The following SMAP1 variants were observed in gnomAD, a reference collection of about 807,000 sequenced individuals.
SMAP1 encodes stromal membrane-associated protein 1.
SMAP1 carries 24 observed loss-of-function variants against 58.5 expected under a neutral mutation model. The observed-to-expected ratio is 0.41, with a 90% CI of 0.30 to 0.58. The LOEUF (loss-of-function observed/expected upper bound fraction) is 0.58, where lower values mean the gene tolerates loss of function less well. Among genes scored for constraint, SMAP1 ranks in the 20% least tolerant of loss-of-function variants. The pLI, the probability that SMAP1 is intolerant of heterozygous loss-of-function variation, is 0.29. For synonymous variants in SMAP1, 216 were observed against 196.6 expected (o/e 1.10, Z -0.82); for missense variants, 563 against 566.3 (o/e 0.99, Z 0.06).
At chr6:70,678,779 A>T (rs1237998867) in intron 1 of SMAP1, among the ~76,000 whole-genome samples, 1 of 152,082 alleles carries the variant, frequency 6.6e-6, no homozygotes, top group Admixed American at 6.5e-5. Context: ...CATCTTTGAA[A>T]CTAGCAGTGT....
intron 1 of SMAP1, among the ~76,000 whole-genome samples, chr6:70,714,477 C>G (rs1768182547): frequency 6.6e-6 from 1 of 152,014 alleles, no homozygotes; most frequent in Non-Finnish European, 1.5e-5. Flanking sequence ...CAGGAGCACT[C>G]ATTTTTACCT....
At chr6:70,789,358 T>C (rs1768235734) in intron 4 of SMAP1, among the ~76,000 whole-genome samples, 1 of 152,078 alleles carries the variant, frequency 6.6e-6, no homozygotes, top group Non-Finnish European at 1.5e-5. Flanking sequence ...AACCATGGCC[T>C]TGGTGACTGA....
chr6:70,751,096 T>TG (rs1005638068), intron 2 of SMAP1, among the ~76,000 whole-genome samples: 3 of 152,000 alleles, frequency 2.0e-5, no homozygotes, highest in African/African-American at 7.3e-5. Flanking sequence ...AAAACTTAGC[T>TG]GGGCATGGTG....
At chr6:70,784,983 A>G (rs1171009323) in intron 4 of SMAP1, among the ~76,000 whole-genome samples, 1 of 152,202 alleles carries the variant, frequency 6.6e-6, no homozygotes, top group African/African-American at 2.4e-5. Context: ...TCTCCACCCC[A>G]GATCAACAGA....
At chr6:70,829,924 G>A (rs1013312094) in intron 6 of SMAP1, among the ~76,000 whole-genome samples, 1 of 152,200 alleles carries the variant, frequency 6.6e-6, no homozygotes, top group Non-Finnish European at 1.5e-5. Flanking sequence ...GGTGGTAAAT[G>A]TAGGAGTTGG....
chr6:70,732,306 T>C, intron 1 of SMAP1, 72 bp from the exon 2 acceptor site: 6 of 1,473,140 alleles, frequency 4.1e-6, no homozygotes, highest in Non-Finnish European at 4.6e-6. Flanking sequence ...CCGAGAATGC[T>C]TCTAATATGC....
rs1010071858 is a variant in SMAP1 at position 70,700,401 on chromosome 6, C to T, written c.119-31977C>T. Among the ~76,000 whole-genome samples, 11 of 152,170 alleles carry T rather than the reference C, an allele frequency of 7.2e-5. No individual in the cohort carries two copies. In the East Asian group the frequency reaches 9.6e-4, roughly 13 times the overall value. ...GCAACCTCCATTTCCCAGGTTCAAG[C>T]GATTCTTGTGCCTCAGCCTCCAGAG... is the stretch of plus-strand genomic sequence containing the variant. On this transcript the variant is annotated intron_variant, in intron 1 of 10. Coordinates refer to ENST00000370455, the MANE Select transcript of SMAP1 (RefSeq NM_001044305.3).
At chr6:70,719,099 A>G (rs1768403513) in intron 1 of SMAP1, among the ~76,000 whole-genome samples, 1 of 152,196 alleles carries the variant, frequency 6.6e-6, no homozygotes, top group Non-Finnish European at 1.5e-5. Flanking sequence ...CTTTAACAGT[A>G]GCAGGTGAAA....
At chr6:70,682,668 G>C (rs1205294852) in intron 1 of SMAP1, among the ~76,000 whole-genome samples, 3 of 152,092 alleles carry the variant, frequency 2.0e-5, no homozygotes, top group Non-Finnish European at 4.4e-5. Context: ...ATGTTAAAGA[G>C]TATACCAGAT....
At chr6:70,811,539 C>T (rs749060588) in intron 6 of SMAP1, among the ~76,000 whole-genome samples, 4 of 151,486 alleles carry the variant, frequency 2.6e-5, no homozygotes, top group African/African-American at 7.3e-5. Context: ...CTTCAGTACC[C>T]GTGGGAGATT....
intron 5 of SMAP1, among the ~76,000 whole-genome samples, chr6:70,792,674 TA>T (rs1162943723): frequency 6.6e-6 from 1 of 151,960 alleles, no homozygotes; most frequent in Non-Finnish European, 1.5e-5. Context: ...TGAAAAAACA[TA>T]TGGGCAAAGT....
chr6:70,689,080 TA>T (rs1044269055), intron 1 of SMAP1, among the ~76,000 whole-genome samples: 1 of 152,004 alleles, frequency 6.6e-6, no homozygotes, highest in African/African-American at 2.4e-5. Context: ...GCTCACTGCA[TA>T]CCCTACGTCC....
At chr6:70,720,871 A>G (rs1387823529) in intron 1 of SMAP1, among the ~76,000 whole-genome samples, 2 of 151,798 alleles carry the variant, frequency 1.3e-5, no homozygotes, top group African/African-American at 2.4e-5. Flanking sequence ...GGGCCTCCGC[A>G]CCTGTGATGG....
chr6:70,827,714 A>G (rs185316230), intron 6 of SMAP1, among the ~76,000 whole-genome samples: 1 of 152,240 alleles, frequency 6.6e-6, no homozygotes, highest in Admixed American at 6.5e-5. Flanking sequence ...AATGTCTTCA[A>G]GGCTGCTCCG....
chr6:70,678,430 G>A (rs754117303), intron 1 of SMAP1, among the ~76,000 whole-genome samples: 1 of 152,214 alleles, frequency 6.6e-6, no homozygotes, highest in East Asian at 1.9e-4. Flanking sequence ...GCGTTATTTA[G>A]TTCATGCATT....
At position 70,685,973 on chromosome 6, in the gene SMAP1, A is replaced by G. The variant is rs924456004; in HGVS notation, c.118+17832A>G. Among the ~76,000 whole-genome samples the G allele has an allele frequency of 2.4e-4, 37 of 152,068 alleles. 1 individual carries two copies. Among genetic ancestry groups the G allele is most frequent in the Non-Finnish European group, 5.9e-5 (4 of 68,008 alleles). On this transcript the variant is annotated intron_variant, in intron 1 of 10. Transcript: ENST00000370455. ...CAGGCTGGAGTGTAGTGGCACCACAATGGCTCACTGCAGCCTCAAACACCT... is the reference window on the plus strand; with the variant it reads ...CAGGCTGGAGTGTAGTGGCACCACAGTGGCTCACTGCAGCCTCAAACACCT...
chr6:70,849,136 C>G (rs1356511251), intron 7 of SMAP1, among the ~76,000 whole-genome samples: 1 of 152,096 alleles, frequency 6.6e-6, no homozygotes, highest in Non-Finnish European at 1.5e-5. Context: ...AGAGAAAAAT[C>G]TTGGTGAGGC....
intron 1 of SMAP1, among the ~76,000 whole-genome samples, chr6:70,679,179 C>T (rs947311358): frequency 2.0e-5 from 3 of 151,926 alleles, no homozygotes; most frequent in South Asian, 2.1e-4. Flanking sequence ...CCACCACACC[C>T]GCCTAATTTT....
At chr6:70,754,843 A>T in intron 2 of SMAP1, 137 bp from the exon 3 acceptor site, 1 of 499,666 alleles carries the variant, frequency 2.0e-6, no homozygotes, top group Non-Finnish European at 3.6e-6. Flanking sequence ...TTGTGATTTA[A>T]ATTATATTTC....
Sources: allele counts gnomAD v4.1 joint callset (sites outside exome capture counted in the v4.1 genomes callset), GRCh38; gene constraint gnomAD v4.1.1; transcripts MANE v1.5; gene names NCBI Gene and HGNC (gene_info 2026-07-23, HGNC 2026-07-21).